The following TLL2 variants were observed in gnomAD, a reference collection of about 807,000 sequenced individuals.
TLL2 encodes tolloid-like protein 2.
In TLL2, 106 loss-of-function variants were observed where a neutral mutation model predicts 123.0. That is an observed-to-expected ratio of 0.86 (90% CI 0.74 to 1.01). The LOEUF (loss-of-function observed/expected upper bound fraction) is 1.01, where lower values mean the gene tolerates loss of function less well. Ranked by LOEUF, TLL2 falls within the 50% of genes least tolerant of loss-of-function variation. The probability of loss-of-function intolerance (pLI) is 0.00; values close to 1 mark genes in which losing one functional copy is unlikely to be tolerated. For synonymous variants in TLL2, 494 were observed against 516.8 expected (o/e 0.96, Z 0.60); for missense variants, 1,332 against 1,336.7 (o/e 1.00, Z 0.06).
chr10:96,418,300 G>T (rs1357832864), intron 7 of TLL2, among the ~76,000 whole-genome samples: 3 of 152,212 alleles, frequency 2.0e-5, no homozygotes, highest in African/African-American at 7.2e-5. Flanking sequence ...TCCTGTCCTG[G>T]CCTCTGGCTC....
chr10:96,489,156 G>C (rs964772355), intron 1 of TLL2, among the ~76,000 whole-genome samples: 13 of 152,120 alleles, frequency 8.5e-5, no homozygotes, highest in African/African-American at 3.1e-4. Context: ...AGGAAATCAG[G>C]GTAATGCTGC....
intron 1 of TLL2, among the ~76,000 whole-genome samples, chr10:96,489,359 C>T (rs549657267): frequency 6.6e-6 from 1 of 152,066 alleles, no homozygotes; most frequent in Non-Finnish European, 1.5e-5. Flanking sequence ...AGACCCCTGT[C>T]TCTACCAAAA....
intron 3 of TLL2, among the ~76,000 whole-genome samples, chr10:96,435,557 T>A (rs1391036857): frequency 1.3e-5 from 2 of 152,250 alleles, no homozygotes; most frequent in African/African-American, 4.8e-5. Context: ...CAAAGATTTA[T>A]ACGTATGTTT....
intron 1 of TLL2, among the ~76,000 whole-genome samples, chr10:96,499,993 T>A (rs1304767871): frequency 1.3e-5 from 2 of 151,330 alleles, no homozygotes; most frequent in Non-Finnish European, 2.9e-5. Context: ...GGTATAAAAA[T>A]CTTTTAGCTG....
At chr10:96,479,574 A>C (rs1033823289) in intron 2 of TLL2, among the ~76,000 whole-genome samples, 10 of 152,216 alleles carry the variant, frequency 6.6e-5, no homozygotes, top group African/African-American at 2.4e-4. Context: ...CCCCAAGGGC[A>C]CCTGGTGGGC....
At chr10:96,461,987 C>T (rs144062022) in intron 2 of TLL2, among the ~76,000 whole-genome samples, 27 of 152,358 alleles carry the variant, frequency 1.8e-4, no homozygotes, top group East Asian at 5.8e-4. Flanking sequence ...TCCACCCACA[C>T]GGTGTTCACA....
At chr10:96,398,832 T>C (rs1846363793) in intron 10 of TLL2, among the ~76,000 whole-genome samples, 1 of 151,624 alleles carries the variant, frequency 6.6e-6, no homozygotes, top group African/African-American at 2.4e-5. Context: ...TGGCTGCTAA[T>C]GAATATGGGT....
At chr10:96,373,309 T>G in intron 19 of TLL2, 4 of 326,830 alleles carry the variant, frequency 1.2e-5, no homozygotes, top group Non-Finnish European at 2.4e-5. Context: ...GCCCAGCTAA[T>G]TTTGTATTTT....
chr10:96,402,014 T>C (rs1846402121), intron 10 of TLL2, among the ~76,000 whole-genome samples: 1 of 152,216 alleles, frequency 6.6e-6, no homozygotes, highest in South Asian at 2.1e-4. Flanking sequence ...TGTGTGGACT[T>C]TGAGTTAGTC....
chr10:96,497,952 C>T (rs1007989262), intron 1 of TLL2, among the ~76,000 whole-genome samples: 2 of 152,242 alleles, frequency 1.3e-5, no homozygotes, highest in African/African-American at 4.8e-5. Flanking sequence ...TTACTGCTAT[C>T]TCATGCCTGC....
rs571310111 is a variant in TLL2, at chr10:96,445,051, C to T, written c.364+1040G>A. On this transcript the variant is annotated intron_variant, in intron 3 of 20. Coordinates refer to ENST00000357947, the MANE Select transcript of TLL2 (RefSeq NM_012465.4). Reference sequence around the variant, plus strand: ...AAAAATACAAAACATTAGCCGGGCACGGTGGCGGGCGCCTGTAGTCCCAGC... The same window carrying T: ...AAAAATACAAAACATTAGCCGGGCATGGTGGCGGGCGCCTGTAGTCCCAGC... Among the ~76,000 whole-genome samples the T allele has an allele frequency of 8.0e-3, 1,218 of 152,082 alleles. 11 individuals are homozygous for T. Among genetic ancestry groups the T allele is most frequent in the African/African-American group, 0.024 (978 of 41,480 alleles).
At chr10:96,373,895 G>T in intron 18 of TLL2, 86 bp from the exon 19 acceptor site, 1 of 1,250,348 alleles carries the variant, frequency 8.0e-7, no homozygotes, top group Non-Finnish European at 1.1e-6. Context: ...GACAGGAAGG[G>T]GCGAGGCAGT....
intron 18 of TLL2, among the ~76,000 whole-genome samples, chr10:96,374,764 G>A (rs1846119964): frequency 6.6e-6 from 1 of 152,170 alleles, no homozygotes; most frequent in Non-Finnish European, 1.5e-5. Context: ...TTCCCCCTAA[G>A]GACTGTCCCC....
intron 2 of TLL2, among the ~76,000 whole-genome samples, chr10:96,461,233 T>C (rs1847079544): frequency 6.6e-6 from 1 of 152,112 alleles, no homozygotes; most frequent in African/African-American, 2.4e-5. Context: ...GCATCTAAAA[T>C]GTGCCCATCA....
chr10:96,434,610 T>C (rs1846775249), intron 3 of TLL2, among the ~76,000 whole-genome samples: 2 of 152,262 alleles, frequency 1.3e-5, no homozygotes, highest in Non-Finnish European at 2.9e-5. Flanking sequence ...TTAGGTTATT[T>C]CCACTTTTTG....
At chr10:96,488,936 C>T (rs933600850) in intron 1 of TLL2, among the ~76,000 whole-genome samples, 2 of 152,230 alleles carry the variant, frequency 1.3e-5, no homozygotes, top group African/African-American at 2.4e-5. Context: ...AGACTCCTGA[C>T]ACAATGCGTT....
intron 7 of TLL2, among the ~76,000 whole-genome samples, chr10:96,418,431 T>C (rs2134073999): frequency 6.6e-6 from 1 of 152,302 alleles, no homozygotes; most frequent in East Asian, 1.9e-4. Context: ...AGCCATCGCA[T>C]TGGTGAGCAC....
chr10:96,385,272 A>T (rs1457319061), intron 15 of TLL2, among the ~76,000 whole-genome samples: 1 of 152,174 alleles, frequency 6.6e-6, no homozygotes, highest in Non-Finnish European at 1.5e-5. Flanking sequence ...TGGAGCTAGG[A>T]CTAGAATTCA....
At chr10:96,368,260 C>G in intron 20 of TLL2, 38 bp from the exon 21 acceptor site, 4 of 1,606,674 alleles carry the variant, frequency 2.5e-6, no homozygotes, top group Non-Finnish European at 3.4e-6. Flanking sequence ...AGGACTTTAG[C>G]TGTGATTGGA....
Sources: allele counts gnomAD v4.1 joint callset (sites outside exome capture counted in the v4.1 genomes callset), GRCh38; gene constraint gnomAD v4.1.1; transcripts MANE v1.5; gene names NCBI Gene and HGNC (gene_info 2026-07-23, HGNC 2026-07-21).